The following ROBO1 variants were observed in gnomAD, a reference collection of about 807,000 sequenced individuals.
ROBO1 encodes roundabout guidance receptor 1.
In ROBO1, 149 loss-of-function variants were observed where a neutral mutation model predicts 195.9. The ratio of observed to expected loss-of-function variants is 0.76; its 90% CI spans 0.67 to 0.87. The LOEUF (loss-of-function observed/expected upper bound fraction) is 0.87. Among genes scored for constraint, ROBO1 ranks in the 40% least tolerant of loss-of-function variants. ROBO1 has a pLI of 0.00. For synonymous variants in ROBO1, 816 were observed against 733.2 expected, an observed-to-expected ratio of 1.11 and a Z score of -1.82; for missense variants, 1,933 against 2,068.3, an observed-to-expected ratio of 0.93 and a Z score of 1.27.
chr3:79,543,375 T>C (rs1284306573), intron 2 of ROBO1, among the ~76,000 whole-genome samples: 1 of 152,064 alleles, frequency 6.6e-6, no homozygotes, highest in Non-Finnish European at 1.5e-5. Flanking sequence ...CCTTTCAAGT[T>C]GATTTGTGTT....
chr3:79,320,128 T>C (rs574146560), intron 2 of ROBO1, among the ~76,000 whole-genome samples: 1 of 152,162 alleles, frequency 6.6e-6, no homozygotes, highest in Non-Finnish European at 1.5e-5. Flanking sequence ...CAGTTCTAGA[T>C]AGTGGGAAAT....
chr3:78,717,329 TC>T lies in ROBO1; in HGVS notation c.862del (p.Asp288ThrfsTer28). 1 of 1,611,466 alleles carries T rather than the reference TC, an allele frequency of 6.2e-7. No individual in the cohort carries two copies. Among genetic ancestry groups the T allele is most frequent in the South Asian group, 1.1e-5 (1 of 90,662 alleles). On this transcript the variant is annotated frameshift_variant, in exon 7 of 31. Transcript: ENST00000464233. LOFTEE classifies it high-confidence loss of function. The part of the protein sequence containing the change: ...SAEFKCEARG[D>X]PVPTVRWRKD... ...CCTCCATCGTACTGTAGGTACAGGG[TC>T]ACCTCGGGCCTCACATTTAAATTCT...
intron 3 of ROBO1, among the ~76,000 whole-genome samples, chr3:78,948,700 A>G (rs1451149421): frequency 6.6e-6 from 1 of 152,216 alleles, no homozygotes; most frequent in East Asian, 1.9e-4. Flanking sequence ...AGGGTATTCA[A>G]TTAGGAAAAG....
At chr3:79,727,696 C>A (rs1702979515) in intron 1 of ROBO1, among the ~76,000 whole-genome samples, 1 of 152,070 alleles carries the variant, frequency 6.6e-6, no homozygotes, top group Non-Finnish European at 1.5e-5. Flanking sequence ...AAACATTTTT[C>A]ATTTTAAAAA....
chr3:78,759,586 T>C (rs1326216106), intron 4 of ROBO1, among the ~76,000 whole-genome samples: 2 of 152,194 alleles, frequency 1.3e-5, no homozygotes, highest in Non-Finnish European at 2.9e-5. Context: ...TAGCTGTTTT[T>C]TCAGTTGTCA....
chr3:79,500,637 T>C (rs773012495), intron 2 of ROBO1, among the ~76,000 whole-genome samples: 6 of 152,192 alleles, frequency 3.9e-5, no homozygotes, highest in Non-Finnish European at 7.3e-5. Flanking sequence ...AAGCAACCTC[T>C]AGGAAACGCC....
intron 2 of ROBO1, among the ~76,000 whole-genome samples, chr3:79,474,424 C>A (rs1035517958): frequency 4.6e-5 from 7 of 151,952 alleles, no homozygotes; most frequent in African/African-American, 1.7e-4. Context: ...CTTCGATATG[C>A]CTCAGTTCCT....
At chr3:78,707,720 G>A (rs771391057) in intron 8 of ROBO1, among the ~76,000 whole-genome samples, 1 of 152,082 alleles carries the variant, frequency 6.6e-6, no homozygotes, top group Non-Finnish European at 1.5e-5. Flanking sequence ...CCTTTTCTTT[G>A]AACAGAGCTT....
chr3:79,686,603 A>G (rs1327472887), intron 1 of ROBO1, among the ~76,000 whole-genome samples: 1 of 152,170 alleles, frequency 6.6e-6, no homozygotes, highest in Non-Finnish European at 1.5e-5. Context: ...ATCATGAGTG[A>G]ACTCCCATTC....
chr3:78,691,763 C>T (rs2081181138), intron 8 of ROBO1, among the ~76,000 whole-genome samples: 1 of 152,138 alleles, frequency 6.6e-6, no homozygotes, highest in Non-Finnish European at 1.5e-5. Context: ...AAATTAACAT[C>T]TTTGCCAAAC....
intron 14 of ROBO1, among the ~76,000 whole-genome samples, chr3:78,664,240 A>T (rs138712664): frequency 6.6e-6 from 1 of 152,358 alleles, no homozygotes; most frequent in East Asian, 1.9e-4. Context: ...GACTTAAAGA[A>T]GACCTAATTG....
Position 79,000,692 on chromosome 3 carries a change from C to T in ROBO1, c.173-61765G>A, listed in dbSNP as rs557417077. Among the ~76,000 whole-genome samples, 6 of 152,198 alleles carry T rather than the reference C, an allele frequency of 3.9e-5. No homozygotes were observed. In the South Asian group the frequency reaches 8.3e-4, roughly 21 times the overall value. On this transcript the variant is annotated intron_variant, in intron 3 of 30. Coordinates refer to ENST00000464233, the MANE Select transcript of ROBO1 (RefSeq NM_002941.4). ...CTGTTGGGAGTGTAAATTACTTCAA[C>T]GATTGTGGAAGACAGTGTGGTGATT...
At chr3:79,695,847 T>C (rs1353478631) in intron 1 of ROBO1, among the ~76,000 whole-genome samples, 2 of 151,546 alleles carry the variant, frequency 1.3e-5, no homozygotes, top group African/African-American at 4.8e-5. Context: ...TTTTGTGTTG[T>C]GATTATTTTA....
At chr3:79,027,172 C>G (rs1441506446) in intron 3 of ROBO1, among the ~76,000 whole-genome samples, 3 of 151,992 alleles carry the variant, frequency 2.0e-5, no homozygotes, top group African/African-American at 7.2e-5. Context: ...CATTTCCTAG[C>G]GGAAAATGGG....
At chr3:78,998,175 T>C (rs1380127128) in intron 3 of ROBO1, among the ~76,000 whole-genome samples, 1 of 152,210 alleles carries the variant, frequency 6.6e-6, no homozygotes, top group Non-Finnish European at 1.5e-5. Context: ...AGTAAACTTG[T>C]TCAAAATTGA....
intron 4 of ROBO1, among the ~76,000 whole-genome samples, chr3:78,860,139 G>GTAGATAAA: frequency 7.0e-6 from 1 of 141,992 alleles, no homozygotes; most frequent in South Asian, 2.2e-4. Flanking sequence ...AGGTAGATAG[G>GTAGATAAA]TAGATAGATA....
chr3:79,514,163 A>C (rs1395887824), intron 2 of ROBO1, among the ~76,000 whole-genome samples: 1 of 152,222 alleles, frequency 6.6e-6, no homozygotes, highest in Non-Finnish European at 1.5e-5. Flanking sequence ...AGCAGGAATA[A>C]GGCAGGTTGA....
chr3:79,670,612 A>C (rs1029409809), intron 1 of ROBO1, among the ~76,000 whole-genome samples: 4 of 151,844 alleles, frequency 2.6e-5, no homozygotes, highest in Admixed American at 2.6e-4. Context: ...TATTTGAAAA[A>C]AGCACATTGA....
chr3:79,707,795 A>G (rs1947819101), intron 1 of ROBO1, among the ~76,000 whole-genome samples: 1 of 152,218 alleles, frequency 6.6e-6, no homozygotes, highest in Non-Finnish European at 1.5e-5. Flanking sequence ...GGCGTGGGCC[A>G]TCACACCTGG....
Sources: allele counts gnomAD v4.1 joint callset (sites outside exome capture counted in the v4.1 genomes callset), GRCh38; gene constraint gnomAD v4.1.1; transcripts MANE v1.5; gene names NCBI Gene and HGNC (gene_info 2026-07-23, HGNC 2026-07-21).